Variants in HAVCR1 observed in about 807,000 individuals in gnomAD.
HAVCR1 encodes hepatitis A virus cellular receptor 1.
In HAVCR1, 34 loss-of-function variants were observed where a neutral mutation model predicts 32.0. That is an observed-to-expected ratio of 1.06 (90% CI 0.81 to 1.42). HAVCR1 has a LOEUF of 1.42. HAVCR1 is among the 40% of genes most tolerant of loss of function. The pLI is 0.00. For synonymous variants in HAVCR1, 178 were observed against 170.3 expected, an observed-to-expected ratio of 1.05 and a Z score of -0.35; for missense variants, 420 against 442.3, an observed-to-expected ratio of 0.95 and a Z score of 0.45.
rs539486832 is a variant in HAVCR1 at position 157,049,041 on chromosome 5, T to C, written c.778A>G (p.Thr260Ala). The C allele has an allele frequency of 4.3e-5, 66 of 1,551,566 alleles. No homozygotes were observed. The East Asian group carries it at 1.4e-3, about 33-fold the overall frequency. The part of the protein sequence containing the change: ...PTSSPLYSYT[T>A]DGNDTVTESS... ...TCAGGAAAGAGAACGCAGTTACCTG[T>C]TGTGTAAGAGTACAATGGTGAGCTG... The change falls in exon 5 of 9, where the codon ACA (threonine) becomes GCA (alanine). Residue 260 changes from threonine (T) to alanine (A), a missense_variant. Thr to Ala is a moderately conservative substitution (Grantham distance 58). Transcript: ENST00000523175.
At chr5:157,031,024 C>CT (rs1317787267) in intron 8 of HAVCR1, among the ~76,000 whole-genome samples, 1 of 127,092 alleles carries the variant, frequency 7.9e-6, no homozygotes, top group Non-Finnish European at 1.6e-5. Context: ...TTTTTTTTGG[C>CT]TTTTTTTATA....
intron 5 of HAVCR1, among the ~76,000 whole-genome samples, chr5:157,048,388 C>T (rs1201658013): frequency 1.3e-5 from 2 of 152,196 alleles, no homozygotes; most frequent in African/African-American, 4.8e-5. Flanking sequence ...TCTGTGCAGT[C>T]AGGCATTTGG....
At chr5:157,048,804 T>C (rs1361849431) in intron 5 of HAVCR1, among the ~76,000 whole-genome samples, 1 of 151,486 alleles carries the variant, frequency 6.6e-6, no homozygotes, top group Non-Finnish European at 1.5e-5. Flanking sequence ...CACTCCAGCC[T>C]GGGCAACAAT....
intron 3 of HAVCR1, 91 bp downstream of exon 3, chr5:157,055,110 G>A (rs1756032300): frequency 1.5e-6 from 1 of 674,602 alleles, no homozygotes; most frequent in Non-Finnish European, 2.6e-6. Context: ...AGGACTTACG[G>A]GAACCTCCTC....
intron 7 of HAVCR1, among the ~76,000 whole-genome samples, chr5:157,035,615 C>A (rs76553973): frequency 6.6e-6 from 1 of 152,030 alleles, no homozygotes; most frequent in Non-Finnish European, 1.5e-5. Flanking sequence ...AACAATATCA[C>A]CCCCACAGGG....
At chr5:157,064,502 G>A in the HAVCR1 span, among the ~76,000 whole-genome samples, 1 of 152,048 alleles carries the variant, frequency 6.6e-6, no homozygotes, top group Admixed American at 6.6e-5. Context: ...AGGAGAAAGG[G>A]CCTAAGATGA....
intron 1 of HAVCR1, chr5:157,058,275 G>C (rs1428884819): frequency 4.4e-6 from 1 of 229,362 alleles, no homozygotes. Flanking sequence ...AAACAAAAAG[G>C]AAACAGGGCC....
intron 6 of HAVCR1, 38 bp downstream of exon 6, chr5:157,042,589 G>A: frequency 1.5e-6 from 2 of 1,291,916 alleles, no homozygotes; most frequent in Non-Finnish European, 2.2e-6. Context: ...AGATATACAA[G>A]TGAATCTGGC....
upstream of HAVCR1, among the ~76,000 whole-genome samples, chr5:157,061,258 A>T (rs1321945894): frequency 6.6e-6 from 1 of 152,196 alleles, no homozygotes; most frequent in Non-Finnish European, 1.5e-5. Context: ...CCCAGGAGAC[A>T]GTCTTCGGGG....
At chr5:157,044,463 GAAAGA>G in intron 5 of HAVCR1, among the ~76,000 whole-genome samples, 1 of 68,500 alleles carries the variant, frequency 1.5e-5, no homozygotes, top group Non-Finnish European at 2.9e-5. Flanking sequence ...AAGAAAGAAA[GAAAGA>G]AAGGAAGGAA....
chr5:157,069,068 G>T, the HAVCR1 span, among the ~76,000 whole-genome samples: 2 of 152,074 alleles, frequency 1.3e-5, no homozygotes, highest in African/African-American at 2.4e-5. Flanking sequence ...GAATAAATAC[G>T]GCTTAACACA....
Position 157,032,884 on chromosome 5 carries a change from T to C in HAVCR1, c.956A>G (p.Tyr319Cys). Residue 319 changes from tyrosine to cysteine, a missense_variant, in exon 8 of 9, where the codon TAT becomes TGT. By Grantham distance (194) the Tyr-to-Cys change is radical (BLOSUM62 -2). Transcript: ENST00000523175. Reference protein sequence around the residue: ...ALLGVIIAKKYFFKKEVQQLS... With the variant: ...ALLGVIIAKKCFFKKEVQQLS... ...TTGTTGAACCTCCTTTTTGAAGAAATACTCTAAATTGAAGGGGTGGGGAGA... is the reference window on the plus strand; with the variant it reads ...TTGTTGAACCTCCTTTTTGAAGAAACACTCTAAATTGAAGGGGTGGGGAGA... The C allele has an allele frequency of 6.4e-7, 1 of 1,569,866 alleles. No individual in the cohort carries two copies. Among genetic ancestry groups the C allele is most frequent in the Non-Finnish European group, 8.7e-7 (1 of 1,144,706 alleles).
Position 157,055,444 on chromosome 5 carries a change from A to C in HAVCR1, c.136T>G (p.Cys46Gly), listed in dbSNP as rs771686148. The change falls in exon 3 of 9, where the codon TGC becomes GGC. Residue 46 changes from cysteine (C) to glycine (G), a missense_variant. Cys to Gly is a radical substitution (Grantham distance 159). Transcript: ENST00000523175. ...CHYSGAVTSM[C>G]WNRGSCSLFT... ...AGAGAACATGAGCCTCTATTCCAGC[A>C]CATGGATGTGACAGCTCCACTGTAG... 1 of 1,611,700 alleles carries C rather than the reference A, an allele frequency of 6.2e-7. No homozygotes were observed. The highest frequency in any genetic ancestry group is 2.2e-5 in the East Asian group (1 of 44,864).
rs201441165 is a variant in HAVCR1, at chr5:157,029,778, T to C, written c.1050A>G (p.Ala350=). ...TATTCTCAATGTAGATATTGTCTTCTGCTTGGACTTCCTTTTCAACTGCAT... is the reference window on the plus strand; with the variant it reads ...TATTCTCAATGTAGATATTGTCTTCCGCTTGGACTTCCTTTTCAACTGCAT... ...LQNAVEKEVQ[A]EDNIYIENSL... Residue 350 remains alanine (A), a synonymous_variant, in exon 9 of 9, where the codon GCA becomes GCG. Transcript: ENST00000523175. The C allele has an allele frequency of 2.0e-3, 3,237 of 1,612,182 alleles. 4 individuals are homozygous for C. The highest frequency in any genetic ancestry group is 2.2e-3 in the Non-Finnish European group (2,597 of 1,179,058).
Position 157,042,594 on chromosome 5 carries a change from T to C in HAVCR1, c.837+33A>G, listed in dbSNP as rs372565400. On this transcript the variant is annotated intron_variant, in intron 6 of 8. Transcript: ENST00000523175. The stretch of plus-strand genomic sequence containing the variant: ...GCTTCCAAGGAGATATACAAGTGAA[T>C]CTGGCTAATCAAATAGGGCGGAATA... 29 of 1,354,910 alleles carry C rather than the reference T, an allele frequency of 2.1e-5. No individual in the cohort carries two copies. The Middle Eastern group carries it at 5.4e-4, about 25-fold the overall frequency. The allele number at this position is 1,354,910 out of a possible 1,614,324, so 83.9% of individuals were successfully genotyped here.
chr5:157,067,459 TC>T, the HAVCR1 span, among the ~76,000 whole-genome samples: 1 of 151,964 alleles, frequency 6.6e-6, no homozygotes, highest in Non-Finnish European at 1.5e-5. Context: ...CCTTCAAAAA[TC>T]AGCAGCCCAG....
chr5:157,061,842 G>C (rs970982015), upstream of HAVCR1, among the ~76,000 whole-genome samples: 1 of 152,192 alleles, frequency 6.6e-6, no homozygotes, highest in Non-Finnish European at 1.5e-5. Flanking sequence ...AATGGGTGGA[G>C]GGTGTTTCAA....
chr5:157,051,773 TTCTA>T (rs1755754719), intron 4 of HAVCR1, among the ~76,000 whole-genome samples: 1 of 152,340 alleles, frequency 6.6e-6, no homozygotes, highest in East Asian at 1.9e-4. Flanking sequence ...CGCACCTGGC[TTCTA>T]TCTGTGTAAC....
At chr5:157,045,308 A>G (rs185265275) in intron 5 of HAVCR1, among the ~76,000 whole-genome samples, 5 of 152,334 alleles carry the variant, frequency 3.3e-5, no homozygotes, top group East Asian at 3.9e-4. Flanking sequence ...ATATATTTCT[A>G]GCTACAGTAC....
Sources: gnomAD v4.1 joint callset for allele counts (sites outside exome capture counted in the v4.1 genomes callset) on GRCh38, gnomAD v4.1.1 for gene constraint, MANE v1.5 for transcripts, NCBI Gene and HGNC (gene_info 2026-07-23, HGNC 2026-07-21) for gene names.